ING3: variants seen among roughly 807,000 people sequenced by gnomAD.
The protein encoded by ING3 is inhibitor of growth family member 3, also known as inhibitor of growth protein 3.
A neutral mutation model predicts 64.8 loss-of-function variants in ING3; 6 were observed. That is an observed-to-expected ratio of 0.09 (90% CI 0.05 to 0.18). The LOEUF (loss-of-function observed/expected upper bound fraction) is 0.18, where lower values mean the gene tolerates loss of function less well. Among genes scored for constraint, ING3 ranks in the 10% least tolerant of loss-of-function variants. The pLI, the probability that ING3 is intolerant of heterozygous loss-of-function variation, is 1.00. For synonymous variants in ING3, 170 were observed against 173.7 expected, an observed-to-expected ratio of 0.98 and a Z score of 0.17; for missense variants, 310 against 489.7, an observed-to-expected ratio of 0.63 and a Z score of 3.46.
chr7:120,976,591 T>C lies in ING3; in HGVS notation c.*1747T>C, dbSNP rs1796138100. Reference sequence around the variant, plus strand: ...AGTATTCAATTCGTTTATCAAAGTATATTGCCTGGAAATGCTCACATGTAT... The same window carrying C: ...AGTATTCAATTCGTTTATCAAAGTACATTGCCTGGAAATGCTCACATGTAT... On this transcript the variant is annotated 3_prime_UTR_variant, in exon 12 of 12. Coordinates refer to ENST00000315870, the MANE Select transcript of ING3 (RefSeq NM_019071.3). 2 of 152,326 alleles carry C rather than the reference T, an allele frequency of 1.3e-5. No homozygotes were observed. Among genetic ancestry groups the C allele is most frequent in the East Asian group, 3.9e-4 (2 of 5,188 alleles). 9.4% of individuals were successfully genotyped at this position (152,326 alleles called of 1,614,324 possible).
At chr7:120,951,012 AGGG>A in intron 1 of ING3, 88 bp downstream of exon 1, 1 of 607,334 alleles carries the variant, frequency 1.6e-6, no homozygotes, top group Non-Finnish European at 3.0e-6. Context: ...GGCGGGAGGG[AGGG>A]GGCGGCGGGG....
At chr7:120,952,526 TTACAG>T (rs1466484163) in intron 2 of ING3, among the ~76,000 whole-genome samples, 1 of 152,158 alleles carries the variant, frequency 6.6e-6, no homozygotes, top group African/African-American at 2.4e-5. Flanking sequence ...GTGCATTTCT[TTACAG>T]TAACTAGAAT....
intron 4 of ING3, chr7:120,956,591 C>A: frequency 1.0e-6 from 1 of 989,194 alleles, no homozygotes; most frequent in Non-Finnish European, 1.2e-6. Flanking sequence ...AACCTGGGCT[C>A]TTTTGTTCAT....
chr7:120,966,394 T>C (rs1795997407), intron 5 of ING3, among the ~76,000 whole-genome samples: 1 of 152,190 alleles, frequency 6.6e-6, no homozygotes. Flanking sequence ...CATTTTGTAC[T>C]TAAGATTAAT....
intron 4 of ING3, among the ~76,000 whole-genome samples, chr7:120,957,290 G>T (rs1795863786): frequency 6.6e-6 from 1 of 151,950 alleles, no homozygotes; most frequent in Non-Finnish European, 1.5e-5. Context: ...GAGAATGGCG[G>T]GAACCCGGGA....
In ING3 at chr7:120,976,111, T is replaced by C. The variant is rs566503849; in HGVS notation, c.*1267T>C. The C allele has an allele frequency of 1.2e-4, 19 of 152,312 alleles. No homozygotes were observed. The highest frequency in any genetic ancestry group is 3.8e-4 in the African/African-American group (16 of 41,576). 9.4% of individuals were successfully genotyped at this position (152,312 alleles called of 1,614,324 possible). A position where few individuals can be genotyped will look rare whatever the true frequency, so the allele number is the denominator to read the frequency against. ...CACCAGGGTGATGCTGACTGCAGAA[T>C]AGATCTTATTCTAAGGTGCTATTTA... On this transcript the variant is annotated 3_prime_UTR_variant, in exon 12 of 12. Transcript: ENST00000315870.
rs901511072 is a variant in ING3 at position 120,967,820 on chromosome 7, A to G, written c.557-114A>G. The G allele has an allele frequency of 3.2e-6, 4 of 1,258,992 alleles. No individual in the cohort carries two copies. The African/African-American group carries it at 6.0e-5, about 19-fold the overall frequency. 78.0% of individuals were successfully genotyped at this position (1,258,992 alleles called of 1,614,324 possible). ...CATTATTCAGTTGACTTAATGTACA[A>G]GTGACATTAAAAATTTTAATGATTA... On this transcript the variant is annotated intron_variant, in intron 7 of 11. Coordinates refer to ENST00000315870, the MANE Select transcript of ING3 (RefSeq NM_019071.3).
In ING3 at chr7:120,974,712, C is replaced by A; in HGVS notation, c.1141-16C>A. Reference sequence around the variant, plus strand: ...AGAAGTACTGAAAACTTGTTTTTTGCAATTTTGCTTTCTAGTGCCCTATAG... The same window carrying A: ...AGAAGTACTGAAAACTTGTTTTTTGAAATTTTGCTTTCTAGTGCCCTATAG... On this transcript the variant is annotated splice_polypyrimidine_tract_variant and intron_variant, in intron 11 of 11. Coordinates refer to ENST00000315870, the MANE Select transcript of ING3 (RefSeq NM_019071.3). 1 of 1,573,750 alleles carries A rather than the reference C, an allele frequency of 6.4e-7. No individual in the cohort carries two copies. Among genetic ancestry groups the A allele is most frequent in the Non-Finnish European group, 8.7e-7 (1 of 1,146,810 alleles).
intron 4 of ING3, among the ~76,000 whole-genome samples, chr7:120,958,980 AC>A (rs1474444456): frequency 6.6e-6 from 1 of 152,170 alleles, no homozygotes; most frequent in Non-Finnish European, 1.5e-5. Context: ...AATTCATCAG[AC>A]AGCTTCAATT....
intron 1 of ING3, 43 bp downstream of exon 1, chr7:120,950,967 G>A (rs758263037): frequency 6.2e-7 from 1 of 1,611,318 alleles, no homozygotes; most frequent in South Asian, 1.1e-5. Context: ...GGGACGTGCG[G>A]GCGGGCAAGA....
intron 4 of ING3, among the ~76,000 whole-genome samples, chr7:120,963,452 AAAC>A (rs879937973): frequency 5.8e-4 from 89 of 152,178 alleles, no homozygotes; most frequent in Non-Finnish European, 1.0e-3. Flanking sequence ...TTCAAAAAAA[AAAC>A]AGTTGTTTTC....
chr7:120,968,252 T>TA (rs1796023148), intron 8 of ING3, among the ~76,000 whole-genome samples, 161 bp downstream of exon 8: 1 of 152,224 alleles, frequency 6.6e-6, no homozygotes, highest in Admixed American at 6.5e-5. Context: ...AATGAAATAA[T>TA]ACATAGGAAT....
Position 120,954,486 on chromosome 7 carries a change from A to G in ING3, c.202-1073A>G, listed in dbSNP as rs185255347. On this transcript the variant is annotated intron_variant, in intron 3 of 11. Coordinates refer to ENST00000315870, the MANE Select transcript of ING3 (RefSeq NM_019071.3). ...GAAATTTGGAAACTACAAATTGAGT[A>G]GTTCTGTTATGATATGTTATTTATT... Among the ~76,000 whole-genome samples the G allele has an allele frequency of 5.2e-4, 79 of 152,224 alleles. 1 individual carries two copies. Among genetic ancestry groups the G allele is most frequent in the African/African-American group, 1.8e-3 (75 of 41,548 alleles).
In ING3 at chr7:120,966,636, A is replaced by G; in HGVS notation, c.375A>G (p.Glu125=). ...CCTCTCTTCTTTTAGGATCTTTGGA[A>G]TTAGACACTCCTTCACAGCCAGTGA... is the stretch of plus-strand genomic sequence containing the variant. ...ITEILERRSL[E]LDTPSQPVNN... is the part of the protein sequence containing the mutation. Residue 125 remains glutamate (E), a synonymous_variant, in exon 6 of 12, where the codon GAA becomes GAG. Coordinates refer to ENST00000315870, the MANE Select transcript of ING3 (RefSeq NM_019071.3). 2 of 1,612,588 alleles carry G rather than the reference A, an allele frequency of 1.2e-6. No homozygotes were observed. The highest frequency in any genetic ancestry group is 1.7e-6 in the Non-Finnish European group (2 of 1,178,602).
rs567951965 is a variant in ING3 at position 120,977,138 on chromosome 7, C to T, written c.*2294C>T. On this transcript the variant is annotated 3_prime_UTR_variant, in exon 12 of 12. Coordinates refer to ENST00000315870, the MANE Select transcript of ING3 (RefSeq NM_019071.3). ...AGTTCACAGGTGGTGAAAATTGAGG[C>T]CTTACTGCTATGGAGTGTATATCAA... 5 of 152,288 alleles carry T rather than the reference C, an allele frequency of 3.3e-5. No individual in the cohort carries two copies. Among genetic ancestry groups the T allele is most frequent in the African/African-American group, 9.6e-5 (4 of 41,554 alleles). The allele number at this position is 152,288 out of a possible 1,614,324, so 9.4% of individuals were successfully genotyped here.
chr7:120,953,679 C>G (rs1051369832), intron 3 of ING3, among the ~76,000 whole-genome samples: 1 of 151,936 alleles, frequency 6.6e-6, no homozygotes, highest in Admixed American at 6.6e-5. Context: ...TTGTTTTATT[C>G]TAGTTGAGAT....
rs139423096 is a variant in ING3, at chr7:120,954,049, G to A, written c.201+645G>A. Among the ~76,000 whole-genome samples, 321 of 152,284 alleles carry A rather than the reference G, an allele frequency of 2.1e-3. 3 individuals are homozygous for A. Among genetic ancestry groups the A allele is most frequent in the African/African-American group, 7.4e-3 (309 of 41,552 alleles). On this transcript the variant is annotated intron_variant, in intron 3 of 11. Coordinates refer to ENST00000315870, the MANE Select transcript of ING3 (RefSeq NM_019071.3). Reference sequence around the variant, plus strand: ...AAGACTTGAGTTTGGTCATGATTCTGCTATTTAGCTGTGTGACATTAAATC... The same window carrying A: ...AAGACTTGAGTTTGGTCATGATTCTACTATTTAGCTGTGTGACATTAAATC...
intron 1 of ING3, 29 bp downstream of exon 1, chr7:120,950,953 C>T: frequency 1.9e-6 from 3 of 1,612,172 alleles, no homozygotes; most frequent in South Asian, 1.1e-5. Flanking sequence ...CGGCGGCCGC[C>T]AGTGGGACGT....
At chr7:120,973,167 C>T in intron 10 of ING3, 38 bp from the exon 11 acceptor site, 4 of 1,186,580 alleles carry the variant, frequency 3.4e-6, no homozygotes, top group East Asian at 2.3e-5. Context: ...GTGTTTGTTA[C>T]ATAGTCATAA....
Sources: allele counts gnomAD v4.1 joint callset (sites outside exome capture counted in the v4.1 genomes callset), GRCh38; gene constraint gnomAD v4.1.1; transcripts MANE v1.5; gene names NCBI Gene and HGNC (gene_info 2026-07-23, HGNC 2026-07-21).